The following FABP7 variants were observed in gnomAD, a reference collection of about 807,000 sequenced individuals.
FABP7 encodes the protein fatty acid-binding protein, brain.
FABP7 carries 13 observed loss-of-function variants against 14.2 expected under a neutral mutation model. That is an observed-to-expected ratio of 0.91 (90% CI 0.59 to 1.45). FABP7 has a LOEUF of 1.45. Ranked by LOEUF, FABP7 falls within the 40% of genes most tolerant of loss-of-function variation. The probability of loss-of-function intolerance (pLI) is 0.00; values close to 1 mark genes in which losing one functional copy is unlikely to be tolerated. For synonymous variants in FABP7, 49 were observed against 51.4 expected (o/e 0.95, Z 0.20); for missense variants, 149 against 157.6 (o/e 0.95, Z 0.29).
chr6:122,777,929 G>C (rs545719228), upstream of FABP7, among the ~76,000 whole-genome samples: 1 of 152,126 alleles, frequency 6.6e-6, no homozygotes, highest in Admixed American at 6.6e-5. Context: ...CTTTAACCAA[G>C]TGCAAATTAA....
the FABP7 span, among the ~76,000 whole-genome samples, chr6:122,754,994 T>G: frequency 7.0e-6 from 1 of 143,704 alleles, no homozygotes; most frequent in African/African-American, 2.6e-5. Context: ...CAGATTCTCA[T>G]TCTCTAACAA....
chr6:122,780,029 G>A (rs1426785282), intron 1 of FABP7, among the ~76,000 whole-genome samples, 162 bp downstream of exon 1: 1 of 152,182 alleles, frequency 6.6e-6, no homozygotes. Flanking sequence ...TTTTAATGTG[G>A]CACTTGCTTG....
chr6:122,781,730 A>C, intron 3 of FABP7: 1 of 848,952 alleles, frequency 1.2e-6, no homozygotes, highest in South Asian at 5.5e-5. Context: ...ATTTCTCATC[A>C]GTGATAACCC....
At chr6:122,777,797 C>T (rs534700769), upstream of FABP7, among the ~76,000 whole-genome samples, 7 of 151,088 alleles carry the variant, frequency 4.6e-5, no homozygotes, top group African/African-American at 7.3e-5. Flanking sequence ...GGGCTGAGAT[C>T]GCGCCACTGC....
At chr6:122,772,611 A>G in the FABP7 span, among the ~76,000 whole-genome samples, 1 of 151,970 alleles carries the variant, frequency 6.6e-6, no homozygotes, top group Non-Finnish European at 1.5e-5. Context: ...TAGAGAAGGG[A>G]TTTCATCATG....
At chr6:122,778,675 C>G (rs1009462349), upstream of FABP7, among the ~76,000 whole-genome samples, 3 of 152,172 alleles carry the variant, frequency 2.0e-5, no homozygotes, top group East Asian at 5.8e-4. Flanking sequence ...CTACTTAGAA[C>G]CCTCAAGGTA....
In FABP7 at chr6:122,781,011, C is replaced by T. The variant is rs1283395578; in HGVS notation, c.247-82C>T. 4.1e-6 allele frequency: 6 copies of T among 1,473,834 alleles called. No homozygotes were observed. In the East Asian group the frequency reaches 1.4e-4, roughly 35 times the overall value. 91.3% of individuals were successfully genotyped at this position (1,473,834 alleles called of 1,614,324 possible). On this transcript the variant is annotated intron_variant, in intron 2 of 3. Transcript: ENST00000368444. ...TCATGATTTATTCAATTATACAACT[C>T]TTTCAAAAATCACATCGTCTTCCGT...
chr6:122,750,093 A>T, the FABP7 span, among the ~76,000 whole-genome samples: 12 of 152,356 alleles, frequency 7.9e-5, 1 homozygote, highest in East Asian at 2.1e-3. Context: ...GTAAATTTTT[A>T]AAAATTAAAT....
At chr6:122,762,137 C>T in the FABP7 span, among the ~76,000 whole-genome samples, 2 of 152,080 alleles carry the variant, frequency 1.3e-5, no homozygotes, top group Non-Finnish European at 2.9e-5. Context: ...TGCAAAAATC[C>T]TCAATAAAAT....
chr6:122,781,517 A>C (rs1187496288), intron 3 of FABP7: 22 of 1,334,564 alleles, frequency 1.6e-5, no homozygotes, highest in Non-Finnish European at 2.1e-5. Flanking sequence ...TCTCTCAAAT[A>C]AAATTTAATA....
chr6:122,773,904 A>T, the FABP7 span, among the ~76,000 whole-genome samples: 16 of 152,070 alleles, frequency 1.1e-4, no homozygotes, highest in African/African-American at 3.6e-4. Context: ...ACAAACAAAC[A>T]GGTCTTTATA....
intron 3 of FABP7, chr6:122,781,715 CT>C (rs1780790326): frequency 4.2e-6 from 4 of 945,164 alleles, no homozygotes; most frequent in Non-Finnish European, 3.8e-6. Context: ...TTAAAATCCC[CT>C]CTGATTTCTC....
the FABP7 span, among the ~76,000 whole-genome samples, chr6:122,753,797 C>CTCCCCCG: frequency 1.9e-5 from 2 of 105,912 alleles, no homozygotes; most frequent in African/African-American, 7.5e-5. Flanking sequence ...CCCCCCCCGC[C>CTCCCCCG]CACAGAAGTT....
In FABP7 at chr6:122,783,746, T is replaced by A; in HGVS notation, c.378T>A (p.Val126=). The change falls in exon 4 of 4, where the codon GTT becomes GTA. Residue 126 remains valine, a synonymous_variant. Transcript: ENST00000368444. ...MTLTFGDVVA[V]RHYEKA is the part of the protein sequence containing the mutation. ...TTACTTTTGGTGATGTGGTTGCTGT[T>A]CGCCACTATGAGAAGGCATAAAAAT... 2.5e-6 allele frequency: 4 copies of A among 1,608,038 alleles called. No homozygotes were observed. The South Asian group carries it at 4.5e-5, about 18-fold the overall frequency.
chr6:122,756,121 G>T, the FABP7 span, among the ~76,000 whole-genome samples: 7 of 152,202 alleles, frequency 4.6e-5, no homozygotes, highest in East Asian at 9.7e-4. Context: ...ATGATTACAG[G>T]CCAGGTTCCT....
the FABP7 span, among the ~76,000 whole-genome samples, chr6:122,766,669 A>G: frequency 6.6e-6 from 1 of 152,096 alleles, no homozygotes; most frequent in Non-Finnish European, 1.5e-5. Flanking sequence ...TTCTATAGAA[A>G]ATTAACATCT....
At chr6:122,769,418 T>C in the FABP7 span, among the ~76,000 whole-genome samples, 1 of 152,154 alleles carries the variant, frequency 6.6e-6, no homozygotes, top group Non-Finnish European at 1.5e-5. Flanking sequence ...TTAAATCCTA[T>C]TGTAAGCTCT....
Position 122,779,760 on chromosome 6 carries a change from C to G in FABP7, c.-35C>G, listed in dbSNP as rs1367774256. ...GCAGTGGCAATTAGACCAGAAGATC[C>G]CCGCTCCTGTCTCTAAAGAGGGGAA... On this transcript the variant is annotated 5_prime_UTR_variant, in exon 1 of 4. Coordinates refer to ENST00000368444, the MANE Select transcript of FABP7 (RefSeq NM_001446.5). The G allele has an allele frequency of 6.2e-7, 1 of 1,608,196 alleles. No individual in the cohort carries two copies. Among genetic ancestry groups the G allele is most frequent in the South Asian group, 1.1e-5 (1 of 90,756 alleles).
chr6:122,749,545 T>C, the FABP7 span, among the ~76,000 whole-genome samples: 1 of 152,194 alleles, frequency 6.6e-6, no homozygotes. Context: ...ACGTGACTTA[T>C]AACCCTAAAT....
Sources: allele counts gnomAD v4.1 joint callset (sites outside exome capture counted in the v4.1 genomes callset), GRCh38; gene constraint gnomAD v4.1.1; transcripts MANE v1.5; gene names NCBI Gene and HGNC (gene_info 2026-07-23, HGNC 2026-07-21).